Variants in AUTS2 observed in about 807,000 individuals in gnomAD.
AUTS2 encodes activator of transcription and developmental regulator AUTS2.
A neutral mutation model predicts 112.4 loss-of-function variants in AUTS2; 17 were observed. The ratio of observed to expected loss-of-function variants is 0.15; its 90% CI spans 0.10 to 0.23. The LOEUF is 0.23. Among genes scored for constraint, AUTS2 ranks in the 10% least tolerant of loss-of-function variants. The probability of loss-of-function intolerance (pLI) is 1.00; values close to 1 mark genes in which losing one functional copy is unlikely to be tolerated. For missense variants in AUTS2, 1,510 were observed against 1,701.6 expected, an observed-to-expected ratio of 0.89 and a Z score of 1.98; for synonymous variants, 751 against 702.7, an observed-to-expected ratio of 1.07 and a Z score of -1.09.
At chr7:70,606,438 G>A (rs912632497) in intron 5 of AUTS2, among the ~76,000 whole-genome samples, 4 of 152,174 alleles carry the variant, frequency 2.6e-5, no homozygotes, top group African/African-American at 9.7e-5. Flanking sequence ...TTGGTCAATA[G>A]CATTTACTGT....
chr7:69,788,851 C>T (rs974980543), intron 1 of AUTS2, among the ~76,000 whole-genome samples: 2 of 151,698 alleles, frequency 1.3e-5, no homozygotes, highest in African/African-American at 4.8e-5. Context: ...ATCAAATACA[C>T]TGGGGAACAA....
intron 2 of AUTS2, among the ~76,000 whole-genome samples, chr7:69,958,120 C>A (rs893527949): frequency 6.6e-6 from 1 of 152,192 alleles, no homozygotes; most frequent in Non-Finnish European, 1.5e-5. Flanking sequence ...AGAACACCTG[C>A]TGTGTGCCAG....
At chr7:70,687,675 T>C (rs1283140690) in intron 5 of AUTS2, among the ~76,000 whole-genome samples, 1 of 152,210 alleles carries the variant, frequency 6.6e-6, no homozygotes, top group East Asian at 1.9e-4. Flanking sequence ...GGGCATATAA[T>C]GGCAGAGGTT....
chr7:70,266,915 G>A (rs1787454571), intron 4 of AUTS2, among the ~76,000 whole-genome samples: 1 of 152,130 alleles, frequency 6.6e-6, no homozygotes. Context: ...TACCCGCTTT[G>A]GGCCATGGCC....
At chr7:70,337,514 A>G (rs367922335) in intron 4 of AUTS2, among the ~76,000 whole-genome samples, 3 of 152,312 alleles carry the variant, frequency 2.0e-5, no homozygotes, top group Admixed American at 6.5e-5. Context: ...TGGAGGGTGA[A>G]TAATAATAAA....
At chr7:69,969,280 G>T (rs1296630272) in intron 2 of AUTS2, among the ~76,000 whole-genome samples, 1 of 152,104 alleles carries the variant, frequency 6.6e-6, no homozygotes, top group East Asian at 1.9e-4. Flanking sequence ...AAAAGAAGGA[G>T]AACGTTAAGT....
At chr7:70,255,144 G>A (rs1489698257) in intron 4 of AUTS2, among the ~76,000 whole-genome samples, 10 of 147,136 alleles carry the variant, frequency 6.8e-5, no homozygotes, top group African/African-American at 2.5e-4. Context: ...TATGATCTTG[G>A]CTCACTGCAA....
At chr7:70,650,384 C>G (rs1806438176) in intron 5 of AUTS2, among the ~76,000 whole-genome samples, 1 of 152,218 alleles carries the variant, frequency 6.6e-6, no homozygotes, top group African/African-American at 2.4e-5. Flanking sequence ...AACCTGGGTT[C>G]AGTGAACTTG....
At chr7:70,310,232 T>G (rs1185362977) in intron 4 of AUTS2, among the ~76,000 whole-genome samples, 2 of 152,008 alleles carry the variant, frequency 1.3e-5, no homozygotes, top group African/African-American at 4.8e-5. Context: ...GAGGCTTCTT[T>G]TAGGGGTCGG....
intron 1 of AUTS2, among the ~76,000 whole-genome samples, chr7:69,810,975 C>G (rs1584279207): frequency 6.6e-6 from 1 of 152,256 alleles, no homozygotes; most frequent in East Asian, 1.9e-4. Context: ...AGCACACAGC[C>G]CCCTAGAAAT....
chr7:69,744,512 T>G (rs1283814471), intron 1 of AUTS2, among the ~76,000 whole-genome samples: 4 of 152,034 alleles, frequency 2.6e-5, no homozygotes, highest in Non-Finnish European at 5.9e-5. Flanking sequence ...TTTCACACTT[T>G]TAGAGCACCA....
chr7:69,945,475 C>A (rs2129545378), intron 2 of AUTS2, among the ~76,000 whole-genome samples: 1 of 151,952 alleles, frequency 6.6e-6, no homozygotes. Context: ...GTATAATTGG[C>A]AAAAAAGTAC....
chr7:70,299,856 A>G (rs987609895), intron 4 of AUTS2, among the ~76,000 whole-genome samples: 1 of 150,486 alleles, frequency 6.6e-6, no homozygotes, highest in Non-Finnish European at 1.5e-5. Context: ...TTTCTGTTTG[A>G]TAATAGGGAT....
rs1009889390 is a variant in AUTS2 at position 70,400,052 on chromosome 7, C to T, written c.661-35700C>T. ...AAAGGTCCAGAGGTCACCTTCTATA[C>T]GAGGAACACAAACTAGTCAGCACTG... is the stretch of plus-strand genomic sequence containing the variant. On this transcript the variant is annotated intron_variant, in intron 4 of 18. Coordinates refer to ENST00000342771, the MANE Select transcript of AUTS2 (RefSeq NM_015570.4). 5.3e-5 allele frequency among the ~76,000 whole-genome samples: 8 copies of T among 152,320 alleles called. 1 individual carries two copies. The East Asian group carries it at 1.2e-3, about 22-fold the overall frequency.
intron 4 of AUTS2, among the ~76,000 whole-genome samples, chr7:70,421,400 G>C (rs923458718): frequency 1.3e-5 from 2 of 151,584 alleles, no homozygotes; most frequent in African/African-American, 4.9e-5. Flanking sequence ...ACAAAGAGAT[G>C]TTTGTTTTCC....
chr7:70,388,726 A>C (rs571938748), intron 4 of AUTS2, among the ~76,000 whole-genome samples: 2 of 152,300 alleles, frequency 1.3e-5, no homozygotes, highest in Non-Finnish European at 2.9e-5. Context: ...ATAATGAGGA[A>C]AGTGTATTCT....
chr7:70,739,980 C>G (rs930223404), intron 6 of AUTS2, among the ~76,000 whole-genome samples: 31 of 152,270 alleles, frequency 2.0e-4, no homozygotes, highest in African/African-American at 6.7e-4. Flanking sequence ...CCCTCATCCA[C>G]TACCAAGGAA....
chr7:70,531,478 G>A (rs982829825), intron 5 of AUTS2, among the ~76,000 whole-genome samples: 5 of 152,166 alleles, frequency 3.3e-5, no homozygotes, highest in Admixed American at 6.5e-5. Context: ...CAAGCATGGT[G>A]CCAGCATCTG....
At chr7:69,853,211 CAATT>C (rs1792567533) in intron 1 of AUTS2, among the ~76,000 whole-genome samples, 1 of 152,140 alleles carries the variant, frequency 6.6e-6, no homozygotes, top group South Asian at 2.1e-4. Context: ...GTTGCTCTAT[CAATT>C]AATTGTTGAT....
Sources: allele counts gnomAD v4.1 joint callset (sites outside exome capture counted in the v4.1 genomes callset), GRCh38; gene constraint gnomAD v4.1.1; transcripts MANE v1.5; gene names NCBI Gene and HGNC (gene_info 2026-07-23, HGNC 2026-07-21).